ZNF521: variants seen among roughly 807,000 people sequenced by gnomAD.
The protein encoded by ZNF521 is zinc finger protein 521, also known as LYST-interacting protein 3.
Under a neutral mutation model 105.5 loss-of-function variants are expected in ZNF521, and 14 were observed. That is an observed-to-expected ratio of 0.13 (90% CI 0.09 to 0.21). ZNF521 has a LOEUF of 0.21. Among genes scored for constraint, ZNF521 ranks in the 10% least tolerant of loss-of-function variants. The pLI is 1.00. For missense variants in ZNF521, 1,233 were observed against 1,629.7 expected (o/e 0.76, Z 4.19); for synonymous variants, 635 against 606.0 (o/e 1.05, Z -0.70).
intron 2 of ZNF521, among the ~76,000 whole-genome samples, chr18:25,326,091 C>T (rs975608904): frequency 6.6e-6 from 1 of 152,070 alleles, no homozygotes; most frequent in African/African-American, 2.4e-5. Context: ...CTATTCTGTC[C>T]ATGTAAAAAT....
intron 3 of ZNF521, among the ~76,000 whole-genome samples, chr18:25,269,875 A>G (rs547403240): frequency 7.9e-5 from 12 of 152,312 alleles, no homozygotes; most frequent in African/African-American, 2.2e-4. Context: ...ATCACAATTA[A>G]AAGATGTAGA....
chr18:25,078,883 G>C (rs901138715), intron 7 of ZNF521, among the ~76,000 whole-genome samples: 4 of 152,184 alleles, frequency 2.6e-5, no homozygotes, highest in African/African-American at 7.2e-5. Context: ...TGCAGAGGGC[G>C]GGGGAGGTGG....
Position 25,227,756 on chromosome 18 carries a change from AC to A in ZNF521, c.221-60del. The A allele has an allele frequency of 6.9e-7, 1 of 1,455,066 alleles. No homozygotes were observed. Among genetic ancestry groups the A allele is most frequent in the Non-Finnish European group, 9.3e-7 (1 of 1,072,890 alleles). 90.1% of individuals were successfully genotyped at this position (1,455,066 alleles called of 1,614,324 possible). ...CATGTTGAGATTCAAGAGTGAGTTT[AC>A]CGTAGCATTTCAACCAGCACGCAGA... On this transcript the variant is annotated intron_variant, in intron 3 of 7. Transcript: ENST00000361524. The surrounding 1 kb of genome is among the most constrained non-coding windows in gnomAD (Gnocchi z 5.7).
intron 4 of ZNF521, among the ~76,000 whole-genome samples, chr18:25,197,997 A>G (rs185311365): frequency 3.3e-5 from 5 of 152,046 alleles, no homozygotes; most frequent in South Asian, 2.1e-4. Context: ...GTCAAGTGAG[A>G]TAATTTCTTT....
At chr18:25,206,468 A>T (rs898132584) in intron 4 of ZNF521, among the ~76,000 whole-genome samples, 10 of 151,630 alleles carry the variant, frequency 6.6e-5, no homozygotes, top group African/African-American at 2.4e-4. Flanking sequence ...TCTTTTGTTT[A>T]TATCTCTAAT....
At chr18:25,210,613 CTAT>C (rs2036163050) in intron 4 of ZNF521, among the ~76,000 whole-genome samples, 1 of 152,126 alleles carries the variant, frequency 6.6e-6, no homozygotes, top group Non-Finnish European at 1.5e-5. Context: ...AGAACCTGTA[CTAT>C]TATTTAGTTT....
At chr18:25,199,099 G>T (rs1056443943) in intron 4 of ZNF521, among the ~76,000 whole-genome samples, 39 of 151,782 alleles carry the variant, frequency 2.6e-4, no homozygotes, top group Middle Eastern at 3.4e-3. Context: ...TAAGTCTTTA[G>T]GCCTAACAAT....
chr18:25,101,552 C>A (rs1287058670), intron 5 of ZNF521, among the ~76,000 whole-genome samples: 2 of 151,958 alleles, frequency 1.3e-5, no homozygotes, highest in South Asian at 2.1e-4. Context: ...TAAATAAATT[C>A]TAGGAAGGAA....
intron 3 of ZNF521, among the ~76,000 whole-genome samples, chr18:25,229,549 T>A (rs1002590383): frequency 7.3e-5 from 11 of 151,618 alleles, no homozygotes; most frequent in African/African-American, 9.7e-5. Context: ...AAAAAAAAAA[T>A]TTAACTAAAA....
chr18:25,155,942 C>T (rs4800625), intron 5 of ZNF521, among the ~76,000 whole-genome samples: 134,101 of 152,132 alleles, frequency 0.88, 60,452 homozygotes, highest in Non-Finnish European at 0.98. Flanking sequence ...TTAAATAAAA[C>T]ATATAGAGAA....
chr18:25,065,222 T>C (rs1473247404), intron 7 of ZNF521, among the ~76,000 whole-genome samples: 1 of 152,124 alleles, frequency 6.6e-6, no homozygotes, highest in Admixed American at 6.5e-5. Context: ...TACAAGAAGA[T>C]ACGATAATAC....
At chr18:25,284,622 T>G (rs989183232) in intron 3 of ZNF521, among the ~76,000 whole-genome samples, 12 of 150,328 alleles carry the variant, frequency 8.0e-5, no homozygotes, top group African/African-American at 2.2e-4. Flanking sequence ...GCAGTGAGAG[T>G]TCGAAAGGAA....
intron 2 of ZNF521, among the ~76,000 whole-genome samples, chr18:25,336,020 T>G (rs1280641317): frequency 6.6e-6 from 1 of 152,178 alleles, no homozygotes; most frequent in Non-Finnish European, 1.5e-5. Context: ...TAGGATTTAC[T>G]GCAGAAAGAA....
In ZNF521 at chr18:25,089,580, A is replaced by G; in HGVS notation, c.3791T>C (p.Val1264Ala). The G allele has an allele frequency of 6.2e-7, 1 of 1,611,198 alleles. No homozygotes were observed. The change falls in exon 7 of 8, where the codon GTA becomes GCA. Residue 1264 changes from valine to alanine, a missense_variant and splice_region_variant. Physicochemically the swap from Val to Ala is moderately conservative, Grantham distance 64 (BLOSUM62 0). Transcript: ENST00000361524. ...CTGCAACTTGTTTGCTTGAACAAAT[A>G]CTGAAATGATAAAAGAATGATGAAC... ...GTFKCPVCFTVFVQANKLQQH... is the reference protein window; with the variant it reads ...GTFKCPVCFTAFVQANKLQQH...
intron 3 of ZNF521, among the ~76,000 whole-genome samples, chr18:25,278,423 C>T (rs1910169638): frequency 6.6e-6 from 1 of 152,182 alleles, no homozygotes; most frequent in South Asian, 2.1e-4. Context: ...CCATTTGAAG[C>T]GATCTGTGCT....
intron 5 of ZNF521, among the ~76,000 whole-genome samples, chr18:25,157,506 T>C (rs1465475076): frequency 1.3e-5 from 2 of 152,240 alleles, no homozygotes; most frequent in African/African-American, 4.8e-5. Context: ...ATAATACTAT[T>C]AGAAGAGCAA....
intron 3 of ZNF521, among the ~76,000 whole-genome samples, chr18:25,296,502 GAC>G: frequency 6.6e-6 from 1 of 152,142 alleles, no homozygotes; most frequent in East Asian, 1.9e-4. Flanking sequence ...CCCCATCGCT[GAC>G]AGTCTTGAGA....
At chr18:25,146,698 C>A (rs1457720957) in intron 5 of ZNF521, among the ~76,000 whole-genome samples, 1 of 151,836 alleles carries the variant, frequency 6.6e-6, no homozygotes, top group Admixed American at 6.6e-5. Flanking sequence ...GTTTAGTTCT[C>A]CTTTCCCTAA....
chr18:25,068,611 C>A (rs986204113), intron 7 of ZNF521, among the ~76,000 whole-genome samples: 1 of 152,052 alleles, frequency 6.6e-6, no homozygotes, highest in Non-Finnish European at 1.5e-5. Context: ...TGTGCTCGGG[C>A]ATATAGCTGA....
Sources: allele counts gnomAD v4.1 joint callset (sites outside exome capture counted in the v4.1 genomes callset), GRCh38; gene constraint gnomAD v4.1.1; non-coding constraint Gnocchi (gnomAD v3.1); transcripts MANE v1.5; gene names NCBI Gene and HGNC (gene_info 2026-07-23, HGNC 2026-07-21).